The following SLC25A12 variants were observed in gnomAD, a reference collection of about 807,000 sequenced individuals.
SLC25A12 encodes electrogenic aspartate/glutamate antiporter SLC25A12, mitochondrial.
In SLC25A12, 32 loss-of-function variants were observed where a neutral mutation model predicts 83.3. That is an observed-to-expected ratio of 0.38 (90% CI 0.29 to 0.52). SLC25A12 has a LOEUF of 0.52. Among genes scored for constraint, SLC25A12 ranks in the 20% least tolerant of loss-of-function variants. The probability of loss-of-function intolerance (pLI) is 0.84; values close to 1 mark genes in which losing one functional copy is unlikely to be tolerated. For missense variants in SLC25A12, 611 were observed against 835.6 expected, an observed-to-expected ratio of 0.73 and a Z score of 3.31; for synonymous variants, 267 against 291.1, an observed-to-expected ratio of 0.92 and a Z score of 0.84.
intron 2 of SLC25A12, among the ~76,000 whole-genome samples, chr2:171,883,201 T>C (rs1338817720): frequency 6.6e-6 from 1 of 152,202 alleles, no homozygotes; most frequent in Non-Finnish European, 1.5e-5. Flanking sequence ...AACATCCTAA[T>C]CTCAACTTAG....
chr2:171,804,145 G>C (rs1175809734), intron 13 of SLC25A12, among the ~76,000 whole-genome samples: 1 of 152,094 alleles, frequency 6.6e-6, no homozygotes. Context: ...CAATAAAAAT[G>C]AATTAAGTAC....
intron 8 of SLC25A12, among the ~76,000 whole-genome samples, chr2:171,832,931 GACTTCTAAA>G (rs1471116289): frequency 6.6e-6 from 1 of 152,132 alleles, no homozygotes; most frequent in Non-Finnish European, 1.5e-5. Flanking sequence ...TAGCTGACAG[GACTTCTAAA>G]ATATAACAAC....
At chr2:171,791,729 G>A in intron 14 of SLC25A12, 140 bp from the exon 15 acceptor site, 4 of 780,074 alleles carry the variant, frequency 5.1e-6, no homozygotes, top group Non-Finnish European at 9.2e-6. Context: ...AACAGCATTA[G>A]AACTGATGTG....
intron 5 of SLC25A12, among the ~76,000 whole-genome samples, chr2:171,843,286 G>A (rs1459828567): frequency 6.6e-6 from 1 of 152,180 alleles, no homozygotes; most frequent in African/African-American, 2.4e-5. Context: ...GTTTGAGAAT[G>A]ACTTAGTATT....
intron 13 of SLC25A12, among the ~76,000 whole-genome samples, chr2:171,807,982 C>G (rs1683871719): frequency 6.6e-6 from 1 of 152,180 alleles, no homozygotes; most frequent in African/African-American, 2.4e-5. Context: ...GGCAGTGTCT[C>G]TGAATTAAAT....
At chr2:171,813,622 TTTA>T in intron 10 of SLC25A12, 125 bp from the exon 11 acceptor site, 1 of 1,104,144 alleles carries the variant, frequency 9.1e-7, no homozygotes, top group South Asian at 1.3e-5. Context: ...CAAAAGAGAG[TTTA>T]TTATTTTTCT....
chr2:171,810,303 A>C, intron 11 of SLC25A12, 27 bp from the exon 12 acceptor site: 1 of 1,590,978 alleles, frequency 6.3e-7, no homozygotes. Flanking sequence ...AATCATCAGC[A>C]ATATAGCTGT....
chr2:171,806,074 C>T (rs904706515), intron 13 of SLC25A12, among the ~76,000 whole-genome samples: 9 of 152,002 alleles, frequency 5.9e-5, no homozygotes, highest in African/African-American at 1.7e-4. Context: ...GATCGCACCA[C>T]GCCACTCCAG....
At chr2:171,879,425 C>G (rs115136814) in intron 2 of SLC25A12, among the ~76,000 whole-genome samples, 69 of 152,264 alleles carry the variant, frequency 4.5e-4, no homozygotes, top group African/African-American at 1.6e-3. Flanking sequence ...CTGTCAGCTA[C>G]TGAATGATGC....
chr2:171,862,364 C>T (rs945949784), intron 3 of SLC25A12, among the ~76,000 whole-genome samples: 2 of 152,210 alleles, frequency 1.3e-5, no homozygotes, highest in Non-Finnish European at 2.9e-5. Flanking sequence ...TACACCAGAA[C>T]TTCAAAGTTT....
At chr2:171,872,026 G>A (rs1685468468) in intron 2 of SLC25A12, among the ~76,000 whole-genome samples, 1 of 150,704 alleles carries the variant, frequency 6.6e-6, no homozygotes. Context: ...TAACTAATTG[G>A]TGCTACCAAA....
At chr2:171,865,853 T>A (rs541525573) in intron 3 of SLC25A12, among the ~76,000 whole-genome samples, 23 of 151,486 alleles carry the variant, frequency 1.5e-4, no homozygotes, top group African/African-American at 5.3e-4. Flanking sequence ...AAAAAAAAAA[T>A]TTTTTTTAAT....
At chr2:171,815,041 C>G (rs773193790) in intron 10 of SLC25A12, 80 bp downstream of exon 10, 7 of 1,160,070 alleles carry the variant, frequency 6.0e-6, no homozygotes, top group Non-Finnish European at 6.5e-6. Context: ...ATGAACTGCA[C>G]CTTTGCTGAT....
intron 9 of SLC25A12, 32 bp from the exon 10 acceptor site, chr2:171,815,234 T>C (rs746830611): frequency 6.8e-7 from 1 of 1,471,700 alleles, no homozygotes; most frequent in South Asian, 1.1e-5. Flanking sequence ...AAAAAAAATC[T>C]TGAAAGCGCA....
chr2:171,844,615 C>T lies in SLC25A12; in HGVS notation c.326-107G>A, dbSNP rs1684752182. The stretch of plus-strand genomic sequence containing the variant: ...TAAGAGAAGTTTTAAAAGTCAATAT[C>T]ATCTGCTTCTATTAAAATAACTGCA... On this transcript the variant is annotated intron_variant, in intron 4 of 17. Transcript: ENST00000422440. 3 of 768,492 alleles carry T rather than the reference C, an allele frequency of 3.9e-6. No homozygotes were observed. In the African/African-American group the frequency reaches 5.3e-5, roughly 13 times the overall value. 47.6% of individuals were successfully genotyped at this position (768,492 alleles called of 1,614,324 possible).
At chr2:171,848,117 G>A (rs896000155) in intron 4 of SLC25A12, 7 of 466,804 alleles carry the variant, frequency 1.5e-5, no homozygotes, top group Non-Finnish European at 3.1e-5. Flanking sequence ...TCCCTCCCCT[G>A]GTTCTTATGG....
intron 13 of SLC25A12, among the ~76,000 whole-genome samples, chr2:171,798,274 G>C (rs1683639481): frequency 6.6e-6 from 1 of 152,214 alleles, no homozygotes; most frequent in Admixed American, 6.5e-5. Flanking sequence ...TGCCTCCACA[G>C]TGCCAAAGGC....
chr2:171,844,236 C>T (rs978590626), intron 5 of SLC25A12, 133 bp downstream of exon 5: 14 of 872,250 alleles, frequency 1.6e-5, no homozygotes, highest in East Asian at 2.6e-5. Flanking sequence ...TTGTCTCTGG[C>T]GAGGGGGAAA....
chr2:171,788,859 G>A (rs1297774301), intron 15 of SLC25A12: 1 of 152,198 alleles, frequency 6.6e-6, no homozygotes, highest in African/African-American at 2.4e-5. Context: ...CCTGCCTTTG[G>A]AGGCAGACTT....
Sources: allele counts gnomAD v4.1 joint callset (sites outside exome capture counted in the v4.1 genomes callset), GRCh38; gene constraint gnomAD v4.1.1; transcripts MANE v1.5; gene names NCBI Gene and HGNC (gene_info 2026-07-23, HGNC 2026-07-21).